STOX2: variants seen among roughly 807,000 people sequenced by gnomAD.
The protein encoded by STOX2 is storkhead box 2.
A neutral mutation model predicts 60.9 loss-of-function variants in STOX2; 28 were observed. The observed-to-expected ratio is 0.46, with a 90% CI of 0.34 to 0.63. STOX2 has a LOEUF of 0.63. Ranked by LOEUF, STOX2 falls within the 30% of genes least tolerant of loss-of-function variation. STOX2 has a pLI of 0.01. For missense variants in STOX2, 1,024 were observed against 1,187.7 expected, an observed-to-expected ratio of 0.86 and a Z score of 2.03; for synonymous variants, 472 against 463.9, an observed-to-expected ratio of 1.02 and a Z score of -0.22.
At chr4:183,968,782 G>A (rs1743655826) in intron 1 of STOX2, among the ~76,000 whole-genome samples, 1 of 149,690 alleles carries the variant, frequency 6.7e-6, no homozygotes, top group Non-Finnish European at 1.5e-5. Context: ...GGGTGGCAGG[G>A]GTTTGGCCGG....
intron 1 of STOX2, among the ~76,000 whole-genome samples, chr4:183,807,252 C>T (rs538028295): frequency 6.6e-6 from 1 of 152,202 alleles, no homozygotes; most frequent in South Asian, 2.1e-4. Context: ...GATTACAGGC[C>T]TGAACCACCG....
chr4:183,869,384 C>T lies in STOX2; in HGVS notation c.364+71329C>T, dbSNP rs535040842. Among the ~76,000 whole-genome samples, 16 of 152,182 alleles carry T rather than the reference C, an allele frequency of 1.1e-4. No individual in the cohort carries two copies. In the South Asian group the frequency reaches 3.1e-3, roughly 30 times the overall value. Reference sequence around the variant, plus strand: ...AGGGGTAGAAGCAGCTTTTTTAAAGCTCTTTTTTTAATATAAGCATGGGAA... The same window carrying T: ...AGGGGTAGAAGCAGCTTTTTTAAAGTTCTTTTTTTAATATAAGCATGGGAA... On this transcript the variant is annotated intron_variant, in intron 1 of 2. Transcript: ENST00000513034.
In STOX2 at chr4:183,935,328, C is replaced by G. The variant is rs111589832; in HGVS notation, c.166+28372C>G. On this transcript the variant is annotated intron_variant, in intron 1 of 3. Coordinates refer to ENST00000308497, the MANE Select transcript of STOX2 (RefSeq NM_020225.3). ...CTAAAAGCTCCCCAGAGGGTATCAC[C>G]CTGTTGACCAGAAAAAGGGGAAGAT... Among the ~76,000 whole-genome samples the G allele has an allele frequency of 7.1e-3, 1,089 of 152,308 alleles. 5 individuals carry two copies. Among genetic ancestry groups the G allele is most frequent in the Middle Eastern group, 0.017 (5 of 294 alleles).
At position 184,019,326 on chromosome 4, in the gene STOX2, T is replaced by C. The variant is rs1247478280; in HGVS notation, c.*2042T>C. 6.6e-6 allele frequency: 1 copy of C among 152,250 alleles called. No individual in the cohort carries two copies. Among genetic ancestry groups the C allele is most frequent in the African/African-American group, 2.4e-5 (1 of 41,470 alleles). 9.4% of individuals were successfully genotyped at this position (152,250 alleles called of 1,614,324 possible). On this transcript the variant is annotated 3_prime_UTR_variant, in exon 4 of 4. Transcript: ENST00000308497. ...GCTTAAATATGTCCAGAAGGAATGA[T>C]CATGTATCTAATAGACTACATAGTT...
chr4:183,914,786 G>A (rs1398540880), intron 1 of STOX2, among the ~76,000 whole-genome samples: 1 of 152,150 alleles, frequency 6.6e-6, no homozygotes, highest in Non-Finnish European at 1.5e-5. Flanking sequence ...CTGAAACCTG[G>A]AAACTCGAGG....
At chr4:183,921,697 G>A (rs1027458607) in intron 1 of STOX2, among the ~76,000 whole-genome samples, 1 of 152,150 alleles carries the variant, frequency 6.6e-6, no homozygotes, top group Non-Finnish European at 1.5e-5. Context: ...CAGCTCTTTA[G>A]AACATTTAAG....
intron 1 of STOX2, among the ~76,000 whole-genome samples, chr4:183,876,091 C>T (rs1740822430): frequency 6.6e-6 from 1 of 152,194 alleles, no homozygotes; most frequent in African/African-American, 2.4e-5. Context: ...CCTATGTTCA[C>T]CTTGATCCCC....
intron 1 of STOX2, among the ~76,000 whole-genome samples, chr4:183,970,177 TGTGTGG>T (rs1314684121): frequency 3.0e-4 from 42 of 140,030 alleles, no homozygotes; most frequent in Admixed American, 6.0e-4. Flanking sequence ...TGTGTGTGTG[TGTGTGG>T]GGTTCCAGCT....
chr4:183,944,670 C>G (rs983222491), intron 1 of STOX2, among the ~76,000 whole-genome samples: 3 of 152,186 alleles, frequency 2.0e-5, no homozygotes, highest in Non-Finnish European at 4.4e-5. Flanking sequence ...GCCAAGATCA[C>G]ACCACTGCAC....
chr4:183,921,444 C>CA (rs952746922), intron 1 of STOX2, among the ~76,000 whole-genome samples: 3 of 150,376 alleles, frequency 2.0e-5, no homozygotes, highest in Non-Finnish European at 3.0e-5. Flanking sequence ...TGGGGGAAAA[C>CA]AAAAAAAAAG....
At chr4:183,960,400 G>A (rs1329592049) in intron 1 of STOX2, 1 of 152,178 alleles carries the variant, frequency 6.6e-6, no homozygotes, top group Non-Finnish European at 1.5e-5. Context: ...ATGTTAGGAA[G>A]TTTTACAGCT....
chr4:183,896,592 T>C (rs1741345297), intron 1 of STOX2, among the ~76,000 whole-genome samples: 1 of 152,226 alleles, frequency 6.6e-6, no homozygotes, highest in African/African-American at 2.4e-5. Flanking sequence ...TCCTCCCACC[T>C]TGGCCTCCTA....
chr4:183,860,571 G>A (rs1047467743), intron 1 of STOX2, among the ~76,000 whole-genome samples: 6 of 151,876 alleles, frequency 4.0e-5, no homozygotes, highest in Admixed American at 3.3e-4. Context: ...ACTTAAAAAT[G>A]TATCGGGACT....
At chr4:183,860,467 AG>A (rs1740411654) in intron 1 of STOX2, among the ~76,000 whole-genome samples, 7 of 151,858 alleles carry the variant, frequency 4.6e-5, no homozygotes, top group South Asian at 2.1e-4. Context: ...AAGAAGAAAA[AG>A]AAGAAAAAAT....
chr4:184,005,182 G>A (rs536151257), intron 2 of STOX2, among the ~76,000 whole-genome samples: 7 of 152,308 alleles, frequency 4.6e-5, no homozygotes, highest in African/African-American at 1.7e-4. Flanking sequence ...CATAGAGGCT[G>A]ATTGTGGTGG....
chr4:183,939,240 C>T (rs1046955163), intron 1 of STOX2, among the ~76,000 whole-genome samples: 8 of 152,286 alleles, frequency 5.3e-5, no homozygotes, highest in Admixed American at 2.0e-4. Context: ...TTCTGGAGCC[C>T]GAAGGCTGAA....
In STOX2 at chr4:183,891,889, G is replaced by A. The variant is rs79324889; in HGVS notation, c.364+93834G>A. 1.2e-4 allele frequency among the ~76,000 whole-genome samples: 18 copies of A among 152,324 alleles called. No individual in the cohort carries two copies. In the East Asian group the frequency reaches 2.3e-3, roughly 20 times the overall value. ...TTTAGAAATAGCTAATATTTACTGA[G>A]CATTAATGAATCGCCAGGCACTAGT... On this transcript the variant is annotated intron_variant, in intron 1 of 2. Coordinates refer to the STOX2 transcript ENST00000513034.
At chr4:183,858,725 A>G (rs1165813836) in intron 1 of STOX2, among the ~76,000 whole-genome samples, 1 of 152,248 alleles carries the variant, frequency 6.6e-6, no homozygotes. Flanking sequence ...CTATCAAAAT[A>G]TCCTCATCTA....
At chr4:183,924,500 G>A (rs2111106079) in intron 1 of STOX2, among the ~76,000 whole-genome samples, 1 of 152,272 alleles carries the variant, frequency 6.6e-6, no homozygotes, top group South Asian at 2.1e-4. Flanking sequence ...CTCTCTGGAG[G>A]CCAGCAGATG....
Sources: gnomAD v4.1 joint callset for allele counts (sites outside exome capture counted in the v4.1 genomes callset) on GRCh38, gnomAD v4.1.1 for gene constraint, MANE v1.5 for transcripts, NCBI Gene and HGNC (gene_info 2026-07-23, HGNC 2026-07-21) for gene names.